Variants in CACYBP observed in about 807,000 individuals in gnomAD.
The protein encoded by CACYBP is calcyclin binding protein.
Under a neutral mutation model 29.6 loss-of-function variants are expected in CACYBP, and 11 were observed. The ratio of observed to expected loss-of-function variants is 0.37; its 90% CI spans 0.23 to 0.61. CACYBP has a LOEUF of 0.61. Among genes scored for constraint, CACYBP ranks in the 20% least tolerant of loss-of-function variants. The pLI is 0.65. For synonymous variants in CACYBP, 73 were observed against 88.3 expected (o/e 0.83, Z 0.97); for missense variants, 163 against 260.7 (o/e 0.63, Z 2.58).
chr1:175,009,986 T>A lies in CACYBP; in HGVS notation c.594T>A (p.Ile198=). ...SEGLMNVLKK[I]YEDGDDDMKR... Reference sequence around the variant, plus strand: ...GATTGATGAATGTTCTAAAGAAAATTTATGAAGATGGAGACGATGATATGA... The same window carrying A: ...GATTGATGAATGTTCTAAAGAAAATATATGAAGATGGAGACGATGATATGA... The change falls in exon 6 of 6, where the codon ATT becomes ATA. Residue 198 remains isoleucine (I), a synonymous_variant. Transcript: ENST00000367679. 16 of 1,613,426 alleles carry A rather than the reference T, an allele frequency of 9.9e-6. No individual in the cohort carries two copies. Among genetic ancestry groups the A allele is most frequent in the Non-Finnish European group, 1.4e-5 (16 of 1,179,438 alleles).
rs751954864 is a variant in CACYBP, at chr1:175,009,903, T to C, written c.531-20T>C. ...CGGTGCTTTCGTTTCCCCATTGTTG[T>C]ATATGTTTTCTTTTTAAAGGAAGCC... On this transcript the variant is annotated intron_variant, in intron 5 of 5. Coordinates refer to ENST00000367679, the MANE Select transcript of CACYBP (RefSeq NM_014412.3). The C allele has an allele frequency of 1.2e-5, 19 of 1,595,208 alleles. No individual in the cohort carries two copies. In the East Asian group the frequency reaches 4.0e-4, roughly 34 times the overall value.
intron 3 of CACYBP, 110 bp downstream of exon 3, chr1:175,006,951 C>A (rs752874784): frequency 1.2e-6 from 1 of 840,504 alleles, no homozygotes; most frequent in South Asian, 1.6e-5. Context: ...AATTAATTAT[C>A]CTTTACAACT....
In CACYBP at chr1:175,010,069, C is replaced by T. The variant is rs780696971; in HGVS notation, c.677C>T (p.Thr226Met). ...AGAGAGAAGCAAGCCAAAGGAGACA[C>T]GGAATTTTGAGACTTTAAAGTCGTT... ...ESREKQAKGD[T>M]EF Residue 226 changes from threonine to methionine, a missense_variant, in exon 6 of 6, where the codon ACG becomes ATG. Transcript: ENST00000367679. The T allele has an allele frequency of 4.0e-5, 65 of 1,611,956 alleles. No homozygotes were observed. Among genetic ancestry groups the T allele is most frequent in the South Asian group, 2.1e-4 (19 of 90,712 alleles).
At chr1:175,004,043 G>GA (rs1175003467) in intron 1 of CACYBP, among the ~76,000 whole-genome samples, 2 of 151,890 alleles carry the variant, frequency 1.3e-5, no homozygotes, top group Non-Finnish European at 2.9e-5. Context: ...CTCAAAAGCA[G>GA]AAATTTTTTT....
At chr1:175,008,754 A>G (rs562779249) in intron 5 of CACYBP, 48 bp downstream of exon 5, 20 of 903,172 alleles carry the variant, frequency 2.2e-5, no homozygotes, top group African/African-American at 2.1e-4. Flanking sequence ...ATTGTTTGAG[A>G]TCATGGATTT....
chr1:175,007,837 C>T (rs1672654308), intron 4 of CACYBP, among the ~76,000 whole-genome samples: 1 of 152,182 alleles, frequency 6.6e-6, no homozygotes, highest in African/African-American at 2.4e-5. Flanking sequence ...CTTTTAAAAA[C>T]TACTCTTTGT....
chr1:175,003,837 T>C (rs1672552519), intron 1 of CACYBP, among the ~76,000 whole-genome samples: 1 of 152,068 alleles, frequency 6.6e-6, no homozygotes, highest in Non-Finnish European at 1.5e-5. Context: ...AAATGTTGCC[T>C]CTATCTCTAG....
intron 4 of CACYBP, among the ~76,000 whole-genome samples, chr1:175,008,002 G>A (rs781519465): frequency 2.0e-5 from 3 of 151,988 alleles, no homozygotes; most frequent in Non-Finnish European, 4.4e-5. Context: ...AGTTGGATTC[G>A]CTGTCTTACT....
At chr1:175,002,039 C>T (rs574646244) in intron 1 of CACYBP, among the ~76,000 whole-genome samples, 118 of 152,304 alleles carry the variant, frequency 7.7e-4, no homozygotes, top group African/African-American at 2.4e-3. Context: ...AGCCATGGCG[C>T]CTGGCCTTAT....
chr1:175,002,747 C>T (rs6425311), intron 1 of CACYBP, among the ~76,000 whole-genome samples: 22,568 of 152,094 alleles, frequency 0.15, 5,527 homozygotes, highest in African/African-American at 0.51. Context: ...GTGGATACTT[C>T]ATAATAAAAA....
chr1:175,007,366 T>C (rs1033407122), intron 4 of CACYBP, among the ~76,000 whole-genome samples, 169 bp downstream of exon 4: 1 of 152,202 alleles, frequency 6.6e-6, no homozygotes, highest in Non-Finnish European at 1.5e-5. Flanking sequence ...CATGTGTTGT[T>C]TGTGGATGCT....
At chr1:175,008,147 C>T (rs1282527352) in intron 4 of CACYBP, among the ~76,000 whole-genome samples, 6 of 152,110 alleles carry the variant, frequency 3.9e-5, no homozygotes, top group East Asian at 3.9e-4. Context: ...CTGCCTTATA[C>T]GACTTGGTTT....
chr1:175,009,814 C>G, intron 5 of CACYBP, 109 bp from the exon 6 acceptor site: 1 of 763,158 alleles, frequency 1.3e-6, no homozygotes, highest in Non-Finnish European at 2.1e-6. Flanking sequence ...TCTTTGGGTA[C>G]TCTGTCTTCC....
chr1:175,000,556 G>T, intron 1 of CACYBP: 1 of 1,182,522 alleles, frequency 8.5e-7, no homozygotes, highest in Non-Finnish European at 1.1e-6. Flanking sequence ...AAGCAAAGCT[G>T]GGTGCAAACA....
intron 2 of CACYBP, among the ~76,000 whole-genome samples, chr1:175,005,675 C>G (rs1247316533): frequency 1.3e-5 from 2 of 152,068 alleles, no homozygotes; most frequent in African/African-American, 4.8e-5. Flanking sequence ...AAGAGATGTA[C>G]TATATAGTAA....
chr1:175,006,994 G>A lies in CACYBP; in HGVS notation c.333-104G>A, dbSNP rs75796638. On this transcript the variant is annotated intron_variant, in intron 3 of 5. Transcript: ENST00000367679. ...AGAGGTGAGCGTTAACTGGCCAAAT[G>A]CACACCCTGAAATAAAGCCAGCAGC... 2,830 of 882,764 alleles carry A rather than the reference G, an allele frequency of 3.2e-3. 55 individuals are homozygous for A. The African/African-American group carries it at 0.043, about 13-fold the overall frequency. 54.7% of individuals were successfully genotyped at this position (882,764 alleles called of 1,614,324 possible).
intron 1 of CACYBP, among the ~76,000 whole-genome samples, chr1:175,003,814 C>T (rs1342358263): frequency 6.6e-6 from 1 of 152,144 alleles, no homozygotes. Context: ...GTCTTTAACT[C>T]TTGAATTTCA....
At chr1:175,009,824 C>T in intron 5 of CACYBP, 99 bp from the exon 6 acceptor site, 4 of 875,298 alleles carry the variant, frequency 4.6e-6, no homozygotes, top group South Asian at 3.8e-5. Context: ...CTCTGTCTTC[C>T]TTCTTATCCC....
Position 175,004,840 on chromosome 1 carries a change from C to G in CACYBP, c.235+7C>G. The G allele has an allele frequency of 6.4e-7, 1 of 1,572,596 alleles. No homozygotes were observed. Among genetic ancestry groups the G allele is most frequent in the Non-Finnish European group, 8.8e-7 (1 of 1,142,146 alleles). ...GTGAAAATCAGTAATTATGGTATGA[C>G]TTGCTTCCCTATAGCCAGTTCTGCC... On this transcript the variant is annotated splice_region_variant and intron_variant, in intron 2 of 5. Transcript: ENST00000367679.
Sources: allele counts gnomAD v4.1 joint callset (sites outside exome capture counted in the v4.1 genomes callset), GRCh38; gene constraint gnomAD v4.1.1; transcripts MANE v1.5; gene names NCBI Gene and HGNC (gene_info 2026-07-23, HGNC 2026-07-21).